Variants in USP37 observed in about 807,000 individuals in gnomAD.
The protein encoded by USP37 is ubiquitin specific peptidase 37.
USP37 carries 27 observed loss-of-function variants against 124.0 expected under a neutral mutation model. The observed-to-expected ratio is 0.22, with a 90% CI of 0.16 to 0.30. The LOEUF is 0.30. USP37 is among the 10% of genes least tolerant of loss of function. The pLI is 1.00. For synonymous variants in USP37, 365 were observed against 388.0 expected, an observed-to-expected ratio of 0.94 and a Z score of 0.70; for missense variants, 889 against 1,140.4, an observed-to-expected ratio of 0.78 and a Z score of 3.17.
chr2:218,546,780 A>G lies in USP37; in HGVS notation c.602+139T>C, dbSNP rs961254422. ...AATACATGTCACTGACATAAACTAC[A>G]TATGACAAATACTTGTAATCATTAC... On this transcript the variant is annotated intron_variant, in intron 7 of 25. Transcript: ENST00000258399. The G allele has an allele frequency of 2.8e-5, 27 of 949,292 alleles. No homozygotes were observed. The African/African-American group carries it at 3.9e-4, about 14-fold the overall frequency. The allele number at this position is 949,292 out of a possible 1,614,324, so 58.8% of individuals were successfully genotyped here.
intron 11 of USP37, among the ~76,000 whole-genome samples, chr2:218,505,659 GA>G (rs1214105233): frequency 6.6e-6 from 1 of 152,144 alleles, no homozygotes; most frequent in Non-Finnish European, 1.5e-5. Flanking sequence ...TCTGATGCCA[GA>G]CTATTTCTGT....
intron 14 of USP37, among the ~76,000 whole-genome samples, chr2:218,492,944 C>A (rs1333312913): frequency 6.6e-6 from 1 of 151,888 alleles, no homozygotes; most frequent in East Asian, 1.9e-4. Flanking sequence ...AGTTAGCAGG[C>A]TATAGTAAGC....
chr2:218,529,997 A>T lies in USP37; in HGVS notation c.822T>A (p.Ala274=), dbSNP rs769897504. ...LQSSSFYGSR[A]GSKEHSSGGT... ...CACCAGAAGAGTGTTCCTTGGATCC[A>T]GCTCTGCTACCATAAAAGGATGATG... The change falls in exon 10 of 26, where the codon GCT becomes GCA. Residue 274 remains alanine, a synonymous_variant. Coordinates refer to ENST00000258399, the MANE Select transcript of USP37 (RefSeq NM_020935.3). 2.5e-6 allele frequency: 4 copies of T among 1,613,706 alleles called. No individual in the cohort carries two copies. The East Asian group carries it at 8.9e-5, about 36-fold the overall frequency.
At chr2:218,463,175 A>AACACAC (rs3835979) in intron 22 of USP37, 131 bp downstream of exon 22, 180 of 529,496 alleles carry the variant, frequency 3.4e-4, no homozygotes, top group African/African-American at 3.2e-3. Context: ...CCCCACAATA[A>AACACAC]ACACACACAC....
intron 20 of USP37, among the ~76,000 whole-genome samples, chr2:218,468,282 G>T (rs1306270303): frequency 1.3e-5 from 2 of 151,862 alleles, no homozygotes; most frequent in African/African-American, 4.8e-5. Flanking sequence ...GTGGCTCATT[G>T]CAACCTCCAC....
At chr2:218,494,668 CTCTT>C (rs891451132) in intron 14 of USP37, among the ~76,000 whole-genome samples, 1 of 152,098 alleles carries the variant, frequency 6.6e-6, no homozygotes, top group Non-Finnish European at 1.5e-5. Flanking sequence ...AAATAATTCT[CTCTT>C]ATATAGAGAC....
intron 10 of USP37, among the ~76,000 whole-genome samples, chr2:218,511,508 C>A (rs1475002472): frequency 1.3e-5 from 2 of 152,124 alleles, no homozygotes; most frequent in Non-Finnish European, 2.9e-5. Flanking sequence ...CGGGGTTTCA[C>A]CATGTTAGCC....
chr2:218,454,025 C>CT lies in USP37; in HGVS notation c.*904dup, dbSNP rs1689571996. On this transcript the variant is annotated 3_prime_UTR_variant, in exon 26 of 26. Coordinates refer to ENST00000258399, the MANE Select transcript of USP37 (RefSeq NM_020935.3). ...CAATTGGAGAAATATTATCTTTCTA[C>CT]TTGTTTAAAGTTTTGGTTGCAATCC... 6.6e-6 allele frequency: 1 copy of CT among 152,328 alleles called. No homozygotes were observed. The highest frequency in any genetic ancestry group is 1.5e-5 in the Non-Finnish European group (1 of 68,022). 9.4% of individuals were successfully genotyped at this position (152,328 alleles called of 1,614,324 possible). A position where few individuals can be genotyped will look rare whatever the true frequency, so the allele number is the denominator to read the frequency against.
chr2:218,467,343 CTA>C (rs1690400329), intron 20 of USP37, among the ~76,000 whole-genome samples: 1 of 151,112 alleles, frequency 6.6e-6, no homozygotes, highest in Non-Finnish European at 1.5e-5. Flanking sequence ...ATCTATCTAT[CTA>C]TCTATCTATC....
intron 9 of USP37, among the ~76,000 whole-genome samples, chr2:218,534,032 G>A (rs1691481099): frequency 6.6e-6 from 1 of 152,154 alleles, no homozygotes; most frequent in South Asian, 2.1e-4. Flanking sequence ...TCATTCTATG[G>A]TCCTGGTACT....
At chr2:218,538,131 C>G (rs1283115243) in intron 8 of USP37, among the ~76,000 whole-genome samples, 2 of 152,176 alleles carry the variant, frequency 1.3e-5, no homozygotes, top group East Asian at 3.8e-4. Flanking sequence ...AAACCTGGGC[C>G]TGATTAATGG....
At chr2:218,478,629 T>C (rs2105971868) in intron 18 of USP37, among the ~76,000 whole-genome samples, 1 of 152,312 alleles carries the variant, frequency 6.6e-6, no homozygotes, top group South Asian at 2.1e-4. Flanking sequence ...TGAAATCATT[T>C]CTTTCTTGAA....
intron 11 of USP37, among the ~76,000 whole-genome samples, chr2:218,504,420 T>C (rs1435064660): frequency 6.6e-6 from 1 of 152,174 alleles, no homozygotes; most frequent in East Asian, 1.9e-4. Flanking sequence ...TCATCTAGCC[T>C]GTCCATTTTA....
chr2:218,566,635 T>C (rs1693610907), intron 1 of USP37, among the ~76,000 whole-genome samples: 1 of 152,204 alleles, frequency 6.6e-6, no homozygotes, highest in Admixed American at 6.5e-5. Context: ...CTGTGCCAAG[T>C]GCTTATCATG....
At chr2:218,501,623 T>C (rs1486356522) in intron 11 of USP37, among the ~76,000 whole-genome samples, 1 of 152,214 alleles carries the variant, frequency 6.6e-6, no homozygotes, top group African/African-American at 2.4e-5. Context: ...AGATTTTCTG[T>C]CTGGAGGCAA....
At chr2:218,543,173 AG>A (rs1269373197) in intron 8 of USP37, among the ~76,000 whole-genome samples, 14 of 152,162 alleles carry the variant, frequency 9.2e-5, no homozygotes, top group Non-Finnish European at 1.8e-4. Context: ...ATATAAATTT[AG>A]GCCAAAGCTA....
chr2:218,562,053 G>C (rs7607261), intron 2 of USP37, among the ~76,000 whole-genome samples: 7,386 of 152,208 alleles, frequency 0.049, 510 homozygotes, highest in African/African-American at 0.16. Context: ...TTATATAAAA[G>C]ATGTAGGACA....
chr2:218,541,613 T>C (rs1382832024), intron 8 of USP37, among the ~76,000 whole-genome samples: 4 of 152,012 alleles, frequency 2.6e-5, no homozygotes, highest in African/African-American at 9.7e-5. Flanking sequence ...GAATTGATGG[T>C]AGGAAGAGAT....
At position 218,498,438 on chromosome 2, in the gene USP37, T is replaced by C. The variant is rs563437427; in HGVS notation, c.1026-281A>G. The stretch of plus-strand genomic sequence containing the variant: ...TGAGAACTACTGCATTATGACATTA[T>C]AATAATAGGCCAGGCGCAGTGGCTC... On this transcript the variant is annotated intron_variant, in intron 11 of 25. Transcript: ENST00000258399. The C allele has an allele frequency of 9.3e-4, 180 of 194,026 alleles. 1 individual carries two copies. The highest frequency in any genetic ancestry group is 4.0e-3 in the African/African-American group (170 of 42,524). 12.0% of individuals were successfully genotyped at this position (194,026 alleles called of 1,614,324 possible). A position where few individuals can be genotyped will look rare whatever the true frequency, so the allele number is the denominator to read the frequency against.
Sources: gnomAD v4.1 joint callset for allele counts (sites outside exome capture counted in the v4.1 genomes callset) on GRCh38, gnomAD v4.1.1 for gene constraint, MANE v1.5 for transcripts, NCBI Gene and HGNC (gene_info 2026-07-23, HGNC 2026-07-21) for gene names.